COL4A6: variants seen among roughly 807,000 people sequenced by gnomAD.
COL4A6 encodes collagen type IV alpha 6 chain, also known as collagen alpha-6(IV) chain.
A neutral mutation model predicts 126.7 loss-of-function variants in COL4A6; 59 were observed. That is an observed-to-expected ratio of 0.47 (90% CI 0.38 to 0.58). The LOEUF (loss-of-function observed/expected upper bound fraction) is 0.58, where lower values mean the gene tolerates loss of function less well. Among genes scored for constraint, COL4A6 ranks in the 20% least tolerant of loss-of-function variants. The probability of loss-of-function intolerance (pLI) is 0.00; values close to 1 mark genes in which losing one functional copy is unlikely to be tolerated. For synonymous variants in COL4A6, 547 were observed against 496.6 expected (o/e 1.10, Z -1.35); for missense variants, 1,285 against 1,337.3 (o/e 0.96, Z 0.61).
chrX:108,438,746 T>C (rs1253773985), upstream of COL4A6, among the ~76,000 whole-genome samples: 3 of 112,858 alleles, frequency 2.7e-5, no homozygotes. Flanking sequence ...CTGATTCAAA[T>C]TGATAGTACA....
intron 23 of COL4A6, among the ~76,000 whole-genome samples, chrX:108,183,495 A>C (rs2034749671): frequency 9.0e-6 from 1 of 111,246 alleles, no homozygotes; most frequent in African/African-American, 3.3e-5. Context: ...CAGAGACTGC[A>C]TGCCCACTCA....
intron 3 of COL4A6, among the ~76,000 whole-genome samples, chrX:108,223,485 C>T (rs144442412): frequency 5.3e-4 from 59 of 111,366 alleles, no homozygotes; most frequent in African/African-American, 1.8e-3. Context: ...GCTGTGGGAA[C>T]ATGAAAAAAG....
intron 3 of COL4A6, among the ~76,000 whole-genome samples, chrX:108,239,164 T>G (rs150568619): frequency 0.013 from 1,467 of 112,454 alleles, 16 homozygotes; most frequent in Middle Eastern, 0.023. Context: ...CTGTTACCTT[T>G]GTCTATAGTG....
intron 2 of COL4A6, among the ~76,000 whole-genome samples, chrX:108,413,579 C>T (rs778880900): frequency 2.7e-5 from 3 of 111,675 alleles, no homozygotes; most frequent in African/African-American, 9.8e-5. Flanking sequence ...CTGCCTCAGC[C>T]TCCTGAGTAG....
chrX:108,307,583 G>A (rs1336212151), intron 3 of COL4A6, among the ~76,000 whole-genome samples: 1 of 112,372 alleles, frequency 8.9e-6, no homozygotes, highest in Non-Finnish European at 1.9e-5. Context: ...ACACTGCCCA[G>A]CAAGCTATGC....
chrX:108,239,583 T>C (rs1169503795), intron 3 of COL4A6, among the ~76,000 whole-genome samples: 10 of 111,917 alleles, frequency 8.9e-5, no homozygotes, highest in Non-Finnish European at 1.9e-5. Flanking sequence ...TCAATAGCTC[T>C]GTAAACCTAT....
chrX:108,438,203 G>C lies in COL4A6; in HGVS notation c.-7C>G, dbSNP rs772352508. On this transcript the variant is annotated 5_prime_UTR_variant, in exon 1 of 45. Transcript: ENST00000334504. The stretch of plus-strand genomic sequence containing the variant: ...CAGCTCACCCAGGGTGCATGCTTGC[G>C]GCTCCTCCGGAGCTGGGTCCCGGGA... 3.4e-6 allele frequency: 4 copies of C among 1,190,907 alleles called. No individual in the cohort carries two copies. The highest frequency in any genetic ancestry group is 3.9e-5 in the South Asian group (2 of 51,673).
At chrX:108,410,295 T>A (rs1342898566) in intron 2 of COL4A6, among the ~76,000 whole-genome samples, 1 of 111,735 alleles carries the variant, frequency 8.9e-6, no homozygotes, top group Non-Finnish European at 1.9e-5. Flanking sequence ...CTTTCACATT[T>A]ATTGAACACC....
At chrX:108,360,355 T>C (rs1036257252) in intron 2 of COL4A6, among the ~76,000 whole-genome samples, 3 of 111,762 alleles carry the variant, frequency 2.7e-5, no homozygotes, top group African/African-American at 9.8e-5. Flanking sequence ...TACAAACTGA[T>C]AATATTTGGG....
intron 3 of COL4A6, among the ~76,000 whole-genome samples, chrX:108,304,226 G>A (rs2038568292): frequency 8.9e-6 from 1 of 111,919 alleles, no homozygotes; most frequent in African/African-American, 3.3e-5. Context: ...TCCCTCACTA[G>A]TACATATAAT....
rs764768655 is a variant in COL4A6, at chrX:108,190,378, G to A, written c.1426+14C>T. 2.7e-5 allele frequency: 31 copies of A among 1,151,700 alleles called. No individual in the cohort carries two copies. The highest frequency in any genetic ancestry group is 3.7e-5 in the Non-Finnish European group (31 of 846,342). 94.9% of individuals were successfully genotyped at this position (1,151,700 alleles called of 1,213,427 possible). On this transcript the variant is annotated intron_variant, in intron 20 of 44. Transcript: ENST00000334504. ...GAGTTTGGAGGACCAAGAAACTCAA[G>A]GGGACAAAATCACCTTTTATTCCTT...
intron 3 of COL4A6, among the ~76,000 whole-genome samples, chrX:108,278,872 A>C (rs998568798): frequency 3.6e-5 from 4 of 111,283 alleles, no homozygotes; most frequent in Non-Finnish European, 7.5e-5. Context: ...TCAATCCAGA[A>C]TTTCATATCC....
At chrX:108,236,127 C>T (rs1004458756) in intron 3 of COL4A6, among the ~76,000 whole-genome samples, 9 of 111,852 alleles carry the variant, frequency 8.0e-5, no homozygotes, top group Non-Finnish European at 1.3e-4. Flanking sequence ...AAGCCTGCCA[C>T]GGCCAACAGT....
chrX:108,370,522 G>C (rs2040300753), intron 2 of COL4A6, among the ~76,000 whole-genome samples: 1 of 111,827 alleles, frequency 8.9e-6, no homozygotes, highest in South Asian at 3.8e-4. Context: ...CACTAAGCTG[G>C]AGTTTGGAGA....
At chrX:108,260,876 T>C (rs904863509) in intron 3 of COL4A6, among the ~76,000 whole-genome samples, 1 of 109,626 alleles carries the variant, frequency 9.1e-6, no homozygotes, top group African/African-American at 3.3e-5. Flanking sequence ...AAAAGGAAAA[T>C]TAGTTCAATG....
In COL4A6 at chrX:108,301,679, T is replaced by A. The variant is rs373200499; in HGVS notation, c.144+9069A>T. 3.6e-3 allele frequency among the ~76,000 whole-genome samples: 399 copies of A among 111,657 alleles called. 2 individuals carry two copies. The highest frequency in any genetic ancestry group is 0.013 in the African/African-American group (387 of 30,696). ...TCACTTACAAGAGATCTTGGGACAG[T>A]CTCTTAATCTCTCTGAAACTTTCTT... On this transcript the variant is annotated intron_variant, in intron 3 of 44. Transcript: ENST00000334504.
chrX:108,422,551 G>A (rs1206607063), intron 2 of COL4A6, among the ~76,000 whole-genome samples: 1 of 111,554 alleles, frequency 9.0e-6, no homozygotes, highest in Non-Finnish European at 1.9e-5. Context: ...CAAACTTCCA[G>A]AGGAATATAC....
intron 3 of COL4A6, among the ~76,000 whole-genome samples, chrX:108,292,055 C>T (rs2038175496): frequency 8.9e-6 from 1 of 111,818 alleles, no homozygotes; most frequent in Admixed American, 9.5e-5. Context: ...TATTATACTC[C>T]TACTGTAATT....
chrX:108,217,931 C>G (rs763508173), intron 5 of COL4A6, among the ~76,000 whole-genome samples: 1 of 111,808 alleles, frequency 8.9e-6, no homozygotes, highest in Non-Finnish European at 1.9e-5. Context: ...GGAGTGGGGA[C>G]TTCTACTGGG....
Sources: allele counts gnomAD v4.1 joint callset (sites outside exome capture counted in the v4.1 genomes callset), GRCh38; gene constraint gnomAD v4.1.1; transcripts MANE v1.5; gene names NCBI Gene and HGNC (gene_info 2026-07-23, HGNC 2026-07-21).